CABCOCO1: variants seen among roughly 807,000 people sequenced by gnomAD.
The protein encoded by CABCOCO1 is ciliary-associated calcium-binding coiled-coil protein 1.
A neutral mutation model predicts 35.7 loss-of-function variants in CABCOCO1; 28 were observed. That is an observed-to-expected ratio of 0.78 (90% CI 0.58 to 1.07). The LOEUF is 1.07. CABCOCO1 is among the 50% of genes least tolerant of loss of function. CABCOCO1 has a pLI of 0.00. For synonymous variants in CABCOCO1, 95 were observed against 100.1 expected (o/e 0.95, Z 0.30); for missense variants, 326 against 309.2 (o/e 1.05, Z -0.41).
chr10:61,712,899 T>C (rs1441321162), intron 5 of CABCOCO1, among the ~76,000 whole-genome samples: 4 of 152,210 alleles, frequency 2.6e-5, no homozygotes, highest in Non-Finnish European at 5.9e-5. Context: ...GCTGTTTTGG[T>C]TACTGTAGCC....
At chr10:61,739,182 T>G (rs1841490817) in intron 5 of CABCOCO1, among the ~76,000 whole-genome samples, 1 of 152,226 alleles carries the variant, frequency 6.6e-6, no homozygotes, top group South Asian at 2.1e-4. Flanking sequence ...GGAGAGAAAT[T>G]AACTCATTAC....
chr10:61,726,825 G>T (rs909874778), intron 5 of CABCOCO1, among the ~76,000 whole-genome samples: 20 of 115,390 alleles, frequency 1.7e-4, no homozygotes, highest in Admixed American at 1.7e-3. Context: ...TGGGAGGCGA[G>T]CGGGGGTGGA....
At chr10:61,672,558 C>T (rs1839393024) in intron 1 of CABCOCO1, among the ~76,000 whole-genome samples, 74 bp from the exon 2 acceptor site, 1 of 152,152 alleles carries the variant, frequency 6.6e-6, no homozygotes, top group African/African-American at 2.4e-5. Flanking sequence ...TAAGAAGAGC[C>T]AACTTTGTTA....
intron 2 of CABCOCO1, among the ~76,000 whole-genome samples, chr10:61,675,703 G>C (rs971240565): frequency 7.2e-5 from 11 of 151,782 alleles, no homozygotes; most frequent in Admixed American, 6.6e-4. Context: ...TAATTAAAGA[G>C]GGCATCAATT....
chr10:61,758,905 A>G (rs1841951454), intron 5 of CABCOCO1, among the ~76,000 whole-genome samples: 1 of 152,088 alleles, frequency 6.6e-6, no homozygotes, highest in Non-Finnish European at 1.5e-5. Flanking sequence ...GCATTTCAAA[A>G]CTTATCTAAA....
intron 5 of CABCOCO1, among the ~76,000 whole-genome samples, chr10:61,726,702 G>C (rs1007424414): frequency 9.9e-5 from 15 of 151,866 alleles, no homozygotes; most frequent in African/African-American, 3.6e-4. Context: ...AATCATATAT[G>C]ATGGCCCAGA....
intron 1 of CABCOCO1, among the ~76,000 whole-genome samples, chr10:61,668,925 G>A (rs899958046): frequency 6.8e-6 from 1 of 146,170 alleles, no homozygotes; most frequent in Non-Finnish European, 1.5e-5. Context: ...GTAAAGATCA[G>A]ATCTGTATTA....
At chr10:61,680,357 TATA>T (rs1203954220) in intron 2 of CABCOCO1, among the ~76,000 whole-genome samples, 3 of 137,788 alleles carry the variant, frequency 2.2e-5, no homozygotes, top group Admixed American at 7.9e-5. Context: ...ACATATATAA[TATA>T]TATATTTATA....
chr10:61,666,819 G>T (rs759965007), intron 1 of CABCOCO1, among the ~76,000 whole-genome samples: 49 of 149,770 alleles, frequency 3.3e-4, no homozygotes, highest in Admixed American at 1.3e-3. Flanking sequence ...ACTGACTGTT[G>T]CTATCCCATT....
At chr10:61,692,138 C>T (rs1840164529) in intron 5 of CABCOCO1, among the ~76,000 whole-genome samples, 1 of 152,128 alleles carries the variant, frequency 6.6e-6, no homozygotes, top group South Asian at 2.1e-4. Flanking sequence ...TGTTTCTCCA[C>T]ATCCTCTCCA....
At chr10:61,719,618 CTTAA>C (rs1323658481) in intron 5 of CABCOCO1, among the ~76,000 whole-genome samples, 3 of 152,038 alleles carry the variant, frequency 2.0e-5, no homozygotes, top group African/African-American at 7.2e-5. Flanking sequence ...GACCTGTTCT[CTTAA>C]TTAAGAGTGG....
chr10:61,699,718 G>T (rs893775523), intron 5 of CABCOCO1, among the ~76,000 whole-genome samples: 1 of 151,918 alleles, frequency 6.6e-6, no homozygotes, highest in Non-Finnish European at 1.5e-5. Flanking sequence ...CCTTTTACTT[G>T]TTATTTCCCC....
intron 5 of CABCOCO1, chr10:61,701,640 A>G (rs554281933): frequency 8.1e-6 from 8 of 985,034 alleles, no homozygotes; most frequent in Middle Eastern, 5.2e-4. Context: ...CGCAGAATCC[A>G]TTAATAATCC....
At chr10:61,710,189 C>G (rs770213816) in intron 5 of CABCOCO1, among the ~76,000 whole-genome samples, 7 of 151,562 alleles carry the variant, frequency 4.6e-5, no homozygotes, top group African/African-American at 1.7e-4. Flanking sequence ...GCCACAGATT[C>G]TCATTTCCAC....
chr10:61,663,146 C>A (rs981164171), intron 1 of CABCOCO1, 114 bp downstream of exon 1: 1 of 208,314 alleles, frequency 4.8e-6, no homozygotes, highest in Non-Finnish European at 1.1e-5. Flanking sequence ...GAAGAGGCGC[C>A]GCACGTCTGG....
In CABCOCO1 at chr10:61,681,165, T is replaced by C; in HGVS notation, c.187T>C (p.Phe63Leu). ...VQEKLRIFLN[F>L]KNLETCLKDA... is the part of the protein sequence containing the mutation. ...CAGAAAACTGAGAATATTTTTGAAT[T>C]TCAAAAACCTTGAAACTTGTTTAAA... The change falls in exon 3 of 8, where the codon TTC becomes CTC. Residue 63 changes from phenylalanine (F) to leucine (L), a missense_variant. Phe to Leu is a conservative substitution (Grantham distance 22). Transcript: ENST00000648843. The C allele has an allele frequency of 6.8e-7, 1 of 1,472,172 alleles. No homozygotes were observed. Among genetic ancestry groups the C allele is most frequent in the Non-Finnish European group, 9.1e-7 (1 of 1,099,658 alleles). The allele number at this position is 1,472,172 out of a possible 1,614,324, so 91.2% of individuals were successfully genotyped here.
chr10:61,758,509 T>C (rs1841944405), intron 5 of CABCOCO1, among the ~76,000 whole-genome samples: 1 of 152,136 alleles, frequency 6.6e-6, no homozygotes, highest in Non-Finnish European at 1.5e-5. Context: ...TATTCTATTT[T>C]GATTAACATT....
intron 5 of CABCOCO1, among the ~76,000 whole-genome samples, chr10:61,738,076 A>G (rs568563060): frequency 1.3e-5 from 2 of 150,594 alleles, no homozygotes; most frequent in South Asian, 4.2e-4. Flanking sequence ...AAACAAAGAC[A>G]CCTCCCCCAC....
At chr10:61,723,895 G>C (rs933469842) in intron 5 of CABCOCO1, among the ~76,000 whole-genome samples, 2 of 152,152 alleles carry the variant, frequency 1.3e-5, no homozygotes, top group South Asian at 4.1e-4. Context: ...GTAAAATTAT[G>C]ATGACTTTTA....
Sources: gnomAD v4.1 joint callset for allele counts (sites outside exome capture counted in the v4.1 genomes callset) on GRCh38, gnomAD v4.1.1 for gene constraint, MANE v1.5 for transcripts, NCBI Gene and HGNC (gene_info 2026-07-23, HGNC 2026-07-21) for gene names.